Variants in SEC24D observed in about 807,000 individuals in gnomAD.
The protein encoded by SEC24D is protein transport protein Sec24D.
A neutral mutation model predicts 116.9 loss-of-function variants in SEC24D; 69 were observed. The ratio of observed to expected loss-of-function variants is 0.59; its 90% confidence interval spans 0.49 to 0.72. The LOEUF (loss-of-function observed/expected upper bound fraction) is 0.72. Ranked by LOEUF, SEC24D falls within the 30% of genes least tolerant of loss-of-function variation. The pLI, the probability that SEC24D is intolerant of heterozygous loss-of-function variation, is 0.00. For synonymous variants in SEC24D, 405 were observed against 442.8 expected, an observed-to-expected ratio of 0.91 and a Z score of 1.07; for missense variants, 1,131 against 1,264.1, an observed-to-expected ratio of 0.89 and a Z score of 1.60.
In SEC24D at chr4:118,815,681, G is replaced by A; in HGVS notation, c.443C>T (p.Ser148Leu). Residue 148 changes from serine (S) to leucine (L), a missense_variant, in exon 5 of 23, where the codon TCA becomes TTA. Ser to Leu is a moderately radical substitution (Grantham distance 145). Transcript: ENST00000280551. ...PPSQGPPGPL[S>L]ATSLQTPPRP... The stretch of plus-strand genomic sequence containing the variant: ...TGGAGGAGTCTGCAATGATGTGGCT[G>A]ACAGAGGGCCAGGGGGTCCCTGGCT... 1 of 1,614,142 alleles carries A rather than the reference G, an allele frequency of 6.2e-7. No individual in the cohort carries two copies. The highest frequency in any genetic ancestry group is 8.5e-7 in the Non-Finnish European group (1 of 1,180,032).
intron 2 of SEC24D, among the ~76,000 whole-genome samples, chr4:118,832,214 G>A (rs751358647): frequency 3.2e-4 from 49 of 152,146 alleles, no homozygotes; most frequent in Non-Finnish European, 3.5e-4. Flanking sequence ...CAACCTGGTC[G>A]ACAGAGGGAG....
chr4:118,808,039 G>A (rs1301863373), intron 6 of SEC24D, among the ~76,000 whole-genome samples: 3 of 152,104 alleles, frequency 2.0e-5, no homozygotes, highest in Non-Finnish European at 4.4e-5. Context: ...GGGGTTCACT[G>A]CAGCCTCAAT....
chr4:118,731,587 C>T (rs1725688715), intron 20 of SEC24D, 80 bp from the exon 21 acceptor site: 4 of 1,117,618 alleles, frequency 3.6e-6, no homozygotes, highest in Non-Finnish European at 4.0e-6. Context: ...TTTCCTTTTT[C>T]CTCCCTCCCC....
intron 15 of SEC24D, among the ~76,000 whole-genome samples, chr4:118,742,949 T>C (rs1726306114): frequency 6.6e-6 from 1 of 152,116 alleles, no homozygotes; most frequent in African/African-American, 2.4e-5. Context: ...TACAGTGTTT[T>C]TTTCAAGGCA....
At chr4:118,834,197 T>G (rs1340769294) in intron 1 of SEC24D, among the ~76,000 whole-genome samples, 2 of 152,220 alleles carry the variant, frequency 1.3e-5, no homozygotes, top group African/African-American at 4.8e-5. Context: ...ATTAATTATT[T>G]TAATCTAGTC....
At chr4:118,821,893 C>T (rs1477645361) in intron 3 of SEC24D, among the ~76,000 whole-genome samples, 1 of 152,184 alleles carries the variant, frequency 6.6e-6, no homozygotes, top group Non-Finnish European at 1.5e-5. Flanking sequence ...CTGACTTTTT[C>T]ACTTTTTAAC....
At chr4:118,772,173 A>G (rs571009869) in intron 8 of SEC24D, among the ~76,000 whole-genome samples, 2 of 152,340 alleles carry the variant, frequency 1.3e-5, no homozygotes, top group South Asian at 2.1e-4. Flanking sequence ...GCCTGGCTAC[A>G]GTATTTCTGT....
At chr4:118,790,854 GGAAA>G (rs984259705) in intron 8 of SEC24D, among the ~76,000 whole-genome samples, 17 of 148,510 alleles carry the variant, frequency 1.1e-4, no homozygotes, top group African/African-American at 4.2e-4. Context: ...TTATCTCTAA[GGAAA>G]GATTTTAAAA....
At chr4:118,798,922 C>T (rs948471944) in intron 7 of SEC24D, among the ~76,000 whole-genome samples, 6 of 152,166 alleles carry the variant, frequency 3.9e-5, no homozygotes, top group African/African-American at 1.2e-4. Flanking sequence ...TGGAGTTCAG[C>T]GAAGCAACAG....
In SEC24D at chr4:118,833,651, G is replaced by A. The variant is rs2110546716; in HGVS notation, c.46C>T (p.Gln16Ter). ...YVATPPYSQPQPGIGLSPPHY... is the reference protein window; with the variant it reads ...YVATPPYSQP ...GGTGGAGAAAGGCCTATTCCAGGCTGAGGCTGAGAATACGGAGGTGTAGCC... is the reference window on the plus strand; with the variant it reads ...GGTGGAGAAAGGCCTATTCCAGGCTAAGGCTGAGAATACGGAGGTGTAGCC... Residue 16 changes from glutamine to a stop codon, truncating the protein, a stop_gained, in exon 2 of 23, where the codon CAG (glutamine) becomes TAG (stop). Transcript: ENST00000280551. LOFTEE classifies it high-confidence loss of function. 6.2e-7 allele frequency: 1 copy of A among 1,614,128 alleles called. No individual in the cohort carries two copies. Among genetic ancestry groups the A allele is most frequent in the East Asian group, 2.2e-5 (1 of 44,870 alleles).
rs548261045 is a variant in SEC24D at position 118,773,766 on chromosome 4, T to G, written c.1042-5455A>C. 5.9e-5 allele frequency among the ~76,000 whole-genome samples: 9 copies of G among 152,356 alleles called. No individual in the cohort carries two copies. In the East Asian group the frequency reaches 1.7e-3, roughly 29 times the overall value. On this transcript the variant is annotated intron_variant, in intron 8 of 22. Transcript: ENST00000280551. ...TGCATTTATTAAAGACATTTCCATG[T>G]GAAAGAGAAATGAGAAGCAGCTTAT...
intron 11 of SEC24D, among the ~76,000 whole-genome samples, chr4:118,756,880 T>C (rs952232183): frequency 6.6e-6 from 1 of 152,148 alleles, no homozygotes; most frequent in Admixed American, 6.6e-5. Context: ...AAAAGGATAG[T>C]GTTAGTTATT....
At chr4:118,801,222 A>C (rs921254586) in intron 7 of SEC24D, among the ~76,000 whole-genome samples, 2 of 151,706 alleles carry the variant, frequency 1.3e-5, no homozygotes, top group African/African-American at 4.9e-5. Context: ...AGATCGCGCC[A>C]CTGTACTCCA....
chr4:118,793,743 G>C (rs1729053989), intron 8 of SEC24D, among the ~76,000 whole-genome samples: 1 of 152,150 alleles, frequency 6.6e-6, no homozygotes, highest in East Asian at 1.9e-4. Context: ...TTTAAATAGA[G>C]AGTGTCTTCA....
rs187077359 is a variant in SEC24D at position 118,769,008 on chromosome 4, G to C, written c.1042-697C>G. ...AGTTTCTTCATAGATTATAAATAAA[G>C]AGAGTTGGGCCTGATTTAAAAAGTT... On this transcript the variant is annotated intron_variant, in intron 8 of 22. Transcript: ENST00000280551. Among the ~76,000 whole-genome samples the C allele has an allele frequency of 3.3e-3, 500 of 151,684 alleles. 3 individuals carry two copies. The highest frequency in any genetic ancestry group is 0.011 in the African/African-American group (471 of 41,002).
intron 6 of SEC24D, among the ~76,000 whole-genome samples, chr4:118,813,922 T>A (rs972196269): frequency 1.3e-5 from 2 of 152,180 alleles, no homozygotes; most frequent in African/African-American, 2.4e-5. Flanking sequence ...CAAAATCAGA[T>A]GAACCTGGCC....
chr4:118,787,761 T>C (rs1211522315), intron 8 of SEC24D, among the ~76,000 whole-genome samples: 3 of 152,238 alleles, frequency 2.0e-5, no homozygotes, highest in African/African-American at 2.4e-5. Context: ...TGAACAGAGA[T>C]TGTACACCGT....
At chr4:118,821,344 A>T (rs1405818127) in intron 3 of SEC24D, among the ~76,000 whole-genome samples, 1 of 152,120 alleles carries the variant, frequency 6.6e-6, no homozygotes, top group Non-Finnish European at 1.5e-5. Context: ...CTTAAACTTG[A>T]TTGATTGAAT....
intron 8 of SEC24D, among the ~76,000 whole-genome samples, chr4:118,794,026 G>GA (rs1729066238): frequency 6.6e-6 from 1 of 152,090 alleles, no homozygotes; most frequent in African/African-American, 2.4e-5. Flanking sequence ...TAATACTTTG[G>GA]AAAGCACAGA....
Sources: gnomAD v4.1 joint callset for allele counts (sites outside exome capture counted in the v4.1 genomes callset) on GRCh38, gnomAD v4.1.1 for gene constraint, MANE v1.5 for transcripts, NCBI Gene and HGNC (gene_info 2026-07-23, HGNC 2026-07-21) for gene names.